Variants in CREB3L2 observed in about 807,000 individuals in gnomAD.
CREB3L2 encodes cyclic AMP-responsive element-binding protein 3-like protein 2.
Under a neutral mutation model 57.2 loss-of-function variants are expected in CREB3L2, and 23 were observed. That is an observed-to-expected ratio of 0.40 (90% CI 0.29 to 0.57). The LOEUF (loss-of-function observed/expected upper bound fraction) is 0.57. Among genes scored for constraint, CREB3L2 ranks in the 20% least tolerant of loss-of-function variants. CREB3L2 has a pLI of 0.42. For missense variants in CREB3L2, 628 were observed against 634.7 expected (o/e 0.99, Z 0.11); for synonymous variants, 268 against 265.1 (o/e 1.01, Z -0.11).
chr7:137,896,729 A>G (rs1294188777), intron 8 of CREB3L2, among the ~76,000 whole-genome samples: 1 of 152,224 alleles, frequency 6.6e-6, no homozygotes, highest in Non-Finnish European at 1.5e-5. Context: ...AAGAGGGAGA[A>G]GAAATGGGAG....
At chr7:137,909,096 T>C (rs890339309) in intron 4 of CREB3L2, among the ~76,000 whole-genome samples, 1 of 152,158 alleles carries the variant, frequency 6.6e-6, no homozygotes, top group African/African-American at 2.4e-5. Flanking sequence ...CGAGAATCCA[T>C]CTCAAAAAGC....
intron 8 of CREB3L2, among the ~76,000 whole-genome samples, chr7:137,894,710 T>G (rs1017480817): frequency 6.6e-6 from 1 of 152,006 alleles, no homozygotes; most frequent in Non-Finnish European, 1.5e-5. Flanking sequence ...CAACTACACA[T>G]CCCATGGAGG....
intron 10 of CREB3L2, among the ~76,000 whole-genome samples, 199 bp from the exon 11 acceptor site, chr7:137,882,827 T>A (rs1799326998): frequency 6.6e-6 from 1 of 152,078 alleles, no homozygotes; most frequent in South Asian, 2.1e-4. Flanking sequence ...ATTATACCAA[T>A]TATACAGTGC....
intron 1 of CREB3L2, among the ~76,000 whole-genome samples, chr7:137,969,528 T>C (rs1286631706): frequency 6.6e-6 from 1 of 151,668 alleles, no homozygotes; most frequent in Non-Finnish European, 1.5e-5. Flanking sequence ...TTTTTTGTAT[T>C]TTTTAGTAGA....
chr7:137,976,772 A>C (rs772190285), intron 1 of CREB3L2, among the ~76,000 whole-genome samples: 1 of 152,250 alleles, frequency 6.6e-6, no homozygotes, highest in Non-Finnish European at 1.5e-5. Flanking sequence ...GTATTTTTTA[A>C]AAATCTCCCC....
In CREB3L2 at chr7:137,915,885, G is replaced by T; in HGVS notation, c.447C>A (p.Ile149=). ...GTTCCTCCTTTTCCAACGGGGTGGA[G>T]ATGGCTGTGATGGTCAGAGTGACAG... ...VPSVTLTITA[I]STPLEKEEPP... The change falls in exon 3 of 12, where the codon ATC becomes ATA. Residue 149 remains isoleucine (I), a synonymous_variant. Transcript: ENST00000330387. 1 of 1,614,162 alleles carries T rather than the reference G, an allele frequency of 6.2e-7. No homozygotes were observed. Among genetic ancestry groups the T allele is most frequent in the Non-Finnish European group, 8.5e-7 (1 of 1,180,012 alleles).
chr7:137,979,156 T>C (rs899019601), intron 1 of CREB3L2, among the ~76,000 whole-genome samples: 2 of 152,220 alleles, frequency 1.3e-5, no homozygotes, highest in Non-Finnish European at 2.9e-5. Context: ...AAGATCTGTG[T>C]TGAAAAACAA....
At chr7:137,956,474 A>T (rs1162699106) in intron 1 of CREB3L2, 1 of 459,664 alleles carries the variant, frequency 2.2e-6, no homozygotes, top group Non-Finnish European at 3.9e-6. Flanking sequence ...ATTAATTTGA[A>T]GTCAATTTCT....
rs181193214 is a variant in CREB3L2 at position 137,886,519 on chromosome 7, C to T, written c.1044-1017G>A. Among the ~76,000 whole-genome samples, 32 of 152,220 alleles carry T rather than the reference C, an allele frequency of 2.1e-4. 1 individual carries two copies. Among genetic ancestry groups the T allele is most frequent in the Admixed American group, 1.6e-3 (24 of 15,288 alleles). On this transcript the variant is annotated intron_variant, in intron 8 of 11. Transcript: ENST00000330387. The stretch of plus-strand genomic sequence containing the variant: ...AAAACAAGAACGGCTCTGTTTAAGG[C>T]AGAGAGGCAAACAGCCACCTGCAGC...
intron 1 of CREB3L2, among the ~76,000 whole-genome samples, chr7:137,938,832 G>A (rs913799542): frequency 2.6e-5 from 4 of 152,084 alleles, no homozygotes; most frequent in African/African-American, 9.7e-5. Flanking sequence ...GCCTATAGCA[G>A]TTATTAGAAT....
chr7:137,884,197 G>T (rs1488558482), intron 10 of CREB3L2: 2 of 150,948 alleles, frequency 1.3e-5, no homozygotes, highest in East Asian at 3.9e-4. Flanking sequence ...TAGTAGAGAC[G>T]GGGTTTCAGC....
At chr7:137,997,558 CA>C (rs58803804) in intron 1 of CREB3L2, among the ~76,000 whole-genome samples, 124,208 of 150,732 alleles carry the variant, frequency 0.82, 52,145 homozygotes, top group South Asian at 0.92. Flanking sequence ...CCGTTTCTAC[CA>C]AAAAAAAAGA....
intron 1 of CREB3L2, among the ~76,000 whole-genome samples, chr7:137,965,428 G>A (rs532118309): frequency 2.0e-5 from 3 of 152,210 alleles, no homozygotes; most frequent in South Asian, 2.1e-4. Context: ...TAATTAAATC[G>A]AATCAATGAC....
intron 1 of CREB3L2, chr7:137,953,482 A>G (rs1760648051): frequency 7.8e-7 from 1 of 1,289,028 alleles, no homozygotes; most frequent in African/African-American, 1.5e-5. Context: ...TTCTTTAAAA[A>G]GCGTCAACCA....
rs970039662 is a variant in CREB3L2 at position 137,980,328 on chromosome 7, G to T, written c.102+21276C>A. 6.6e-6 allele frequency among the ~76,000 whole-genome samples: 1 copy of T among 152,218 alleles called. No individual in the cohort carries two copies. Among genetic ancestry groups the T allele is most frequent in the African/African-American group, 2.4e-5 (1 of 41,462 alleles). On this transcript the variant is annotated intron_variant, in intron 1 of 11. Transcript: ENST00000330387. This position sits in a 1 kb window ranked among gnomAD's most constrained non-coding sequence, Gnocchi z 4.3. The stretch of plus-strand genomic sequence containing the variant: ...GCATCAAAGTTGTTTAAGCTCCCAG[G>T]TAAGTGTGATGTGCAGCCAAGACTG...
intron 1 of CREB3L2, among the ~76,000 whole-genome samples, chr7:137,985,161 G>T (rs949819204): frequency 2.0e-5 from 3 of 152,172 alleles, no homozygotes; most frequent in Non-Finnish European, 4.4e-5. Flanking sequence ...ATGGAAAGGG[G>T]GAAGGGGGCC....
intron 1 of CREB3L2, among the ~76,000 whole-genome samples, chr7:137,990,622 G>T (rs1440705147): frequency 2.6e-5 from 4 of 152,184 alleles, no homozygotes; most frequent in Non-Finnish European, 5.9e-5. Context: ...CGAGGGGAAG[G>T]AAGGAGTTAA....
chr7:137,944,107 G>C (rs1800923981), intron 1 of CREB3L2, among the ~76,000 whole-genome samples: 1 of 152,168 alleles, frequency 6.6e-6, no homozygotes, highest in East Asian at 1.9e-4. Context: ...TGCAAAGTCT[G>C]GGTGTCTAAT....
intron 1 of CREB3L2, among the ~76,000 whole-genome samples, chr7:137,983,091 A>G (rs926745195): frequency 6.6e-6 from 1 of 152,200 alleles, no homozygotes; most frequent in African/African-American, 2.4e-5. Flanking sequence ...TAGCAGCCTG[A>G]GCAGACTAAT....
Sources: gnomAD v4.1 joint callset for allele counts (sites outside exome capture counted in the v4.1 genomes callset) on GRCh38, gnomAD v4.1.1 for gene constraint, Gnocchi (gnomAD v3.1) non-coding constraint, MANE v1.5 for transcripts, NCBI Gene and HGNC (gene_info 2026-07-23, HGNC 2026-07-21) for gene names.